PTPN3: variants seen among roughly 807,000 people sequenced by gnomAD.
The protein encoded by PTPN3 is tyrosine-protein phosphatase non-receptor type 3.
PTPN3 carries 96 observed loss-of-function variants against 132.7 expected under a neutral mutation model. That is an observed-to-expected ratio of 0.72 (90% CI 0.61 to 0.86). The LOEUF is 0.86. Among genes scored for constraint, PTPN3 ranks in the 40% least tolerant of loss-of-function variants. The pLI, the probability that PTPN3 is intolerant of heterozygous loss-of-function variation, is 0.00. For synonymous variants in PTPN3, 398 were observed against 429.0 expected, an observed-to-expected ratio of 0.93 and a Z score of 0.89; for missense variants, 1,125 against 1,159.6, an observed-to-expected ratio of 0.97 and a Z score of 0.43.
chr9:109,523,178 G>A, the PTPN3 span, among the ~76,000 whole-genome samples: 1 of 150,808 alleles, frequency 6.6e-6, no homozygotes, highest in Non-Finnish European at 1.5e-5. Flanking sequence ...GTGCAGTGGT[G>A]CGATCTTGGC....
At chr9:109,458,493 C>CT in intron 2 of PTPN3, among the ~76,000 whole-genome samples, 1 of 152,132 alleles carries the variant, frequency 6.6e-6, no homozygotes, top group Middle Eastern at 3.2e-3. Flanking sequence ...AAGGTAGCTC[C>CT]TTTTTTTGAG....
chr9:109,498,370 G>C (rs1305374024), upstream of PTPN3: 1 of 146,660 alleles, frequency 6.8e-6, no homozygotes, highest in Non-Finnish European at 1.5e-5. The surrounding 1 kb of genome is among the most constrained non-coding windows in gnomAD (Gnocchi z 4.2). Flanking sequence ...ACGGGCCCGC[G>C]CGCCGGGCGG....
At chr9:109,448,902 CA>C (rs35966698) in intron 5 of PTPN3, 47 bp from the exon 6 acceptor site, 169,005 of 1,156,108 alleles carry the variant, frequency 0.15, 20 homozygotes, top group East Asian at 0.24. Flanking sequence ...CTGAAATAAG[CA>C]AAAAAAAAAA....
intron 1 of PTPN3, among the ~76,000 whole-genome samples, chr9:109,483,135 C>G (rs1847039994): frequency 6.6e-6 from 1 of 152,238 alleles, no homozygotes; most frequent in South Asian, 2.1e-4. Context: ...TTGGCTGAAA[C>G]TGCCATTCCC....
intron 14 of PTPN3, chr9:109,417,532 G>GTTTTTTT (rs34687094): frequency 9.7e-6 from 7 of 724,778 alleles, no homozygotes; most frequent in Non-Finnish European, 5.0e-6. Context: ...TAACCAACAG[G>GTTTTTTT]TTTTTTTTTT....
At chr9:109,485,274 G>A (rs1003330052) in intron 1 of PTPN3, among the ~76,000 whole-genome samples, 2 of 152,146 alleles carry the variant, frequency 1.3e-5, no homozygotes, top group African/African-American at 2.4e-5. Context: ...TTGGGAGGCC[G>A]AGGCGGGTGG....
the PTPN3 span, among the ~76,000 whole-genome samples, chr9:109,521,813 T>A: frequency 6.6e-6 from 1 of 152,254 alleles, no homozygotes; most frequent in African/African-American, 2.4e-5. Flanking sequence ...TTCATCCTTT[T>A]ATTTGTAGAA....
intron 13 of PTPN3, among the ~76,000 whole-genome samples, chr9:109,421,703 T>C (rs1403457054): frequency 2.0e-5 from 3 of 152,230 alleles, no homozygotes; most frequent in African/African-American, 2.4e-5. Context: ...AAGAAGCAAA[T>C]CTATTCAGTT....
chr9:109,522,660 A>G, the PTPN3 span, among the ~76,000 whole-genome samples: 2 of 152,208 alleles, frequency 1.3e-5, no homozygotes, highest in Non-Finnish European at 2.9e-5. Context: ...ATGTAATAAC[A>G]ACTATAAAGT....
At chr9:109,452,076 T>C (rs1218767753) in intron 5 of PTPN3, among the ~76,000 whole-genome samples, 1 of 152,072 alleles carries the variant, frequency 6.6e-6, no homozygotes, top group Non-Finnish European at 1.5e-5. Flanking sequence ...GAGACCATCC[T>C]GGCCAACATG....
intron 16 of PTPN3, among the ~76,000 whole-genome samples, chr9:109,408,792 A>ATAT (rs1485415942): frequency 0.033 from 2,078 of 62,256 alleles, 28 homozygotes; most frequent in Middle Eastern, 0.045. Flanking sequence ...AAAAAAAAAA[A>ATAT]AAAAATATAT....
At chr9:109,426,797 C>G (rs969397643) in intron 12 of PTPN3, among the ~76,000 whole-genome samples, 153 bp downstream of exon 12, 12 of 152,202 alleles carry the variant, frequency 7.9e-5, no homozygotes, top group Admixed American at 2.0e-4. Context: ...CTGCTGACCC[C>G]GGGAGACTTT....
Position 109,448,674 on chromosome 9 carries a change from G to C in PTPN3, c.413+137C>G, listed in dbSNP as rs1845021844. On this transcript the variant is annotated intron_variant, in intron 6 of 25. Coordinates refer to ENST00000374541, the MANE Select transcript of PTPN3 (RefSeq NM_002829.4). Reference sequence around the variant, plus strand: ...GGTATAATAAAAACAGATGTCCAAAGCCTAATGCTGTACAGGATGCTTTGC... The same window carrying C: ...GGTATAATAAAAACAGATGTCCAAACCCTAATGCTGTACAGGATGCTTTGC... The C allele has an allele frequency of 4.8e-6, 4 of 834,704 alleles. No homozygotes were observed. In the Admixed American group the frequency reaches 8.9e-5, roughly 18 times the overall value. 51.7% of individuals were successfully genotyped at this position (834,704 alleles called of 1,614,324 possible).
rs114992276 is a variant in PTPN3 at position 109,387,513 on chromosome 9, C to T, written c.2253+1720G>A. Among the ~76,000 whole-genome samples the T allele has an allele frequency of 4.9e-3, 745 of 152,284 alleles. 3 individuals carry two copies. The highest frequency in any genetic ancestry group is 0.017 in the African/African-American group (717 of 41,540). Reference sequence around the variant, plus strand: ...CCCTGTGAGACAAGGAGGCCAGGATCCTGACTCACTATGCCACGTGGAGCA... The same window carrying T: ...CCCTGTGAGACAAGGAGGCCAGGATTCTGACTCACTATGCCACGTGGAGCA... On this transcript the variant is annotated intron_variant, in intron 22 of 25. Coordinates refer to ENST00000374541, the MANE Select transcript of PTPN3 (RefSeq NM_002829.4).
At chr9:109,510,544 G>T in the PTPN3 span, among the ~76,000 whole-genome samples, 1 of 107,604 alleles carries the variant, frequency 9.3e-6, no homozygotes, top group African/African-American at 3.5e-5. Flanking sequence ...GGCAACAAGA[G>T]CGAAACTTTG....
the PTPN3 span, among the ~76,000 whole-genome samples, chr9:109,515,294 G>A: frequency 6.6e-6 from 1 of 152,060 alleles, no homozygotes; most frequent in African/African-American, 2.4e-5. Flanking sequence ...CAAAGTGCTG[G>A]GATTATAGAT....
At chr9:109,429,773 T>A (rs1233953195) in intron 10 of PTPN3, among the ~76,000 whole-genome samples, 1 of 152,174 alleles carries the variant, frequency 6.6e-6, no homozygotes, top group African/African-American at 2.4e-5. Flanking sequence ...CTGACTATCA[T>A]TCATTTATGC....
intron 2 of PTPN3, among the ~76,000 whole-genome samples, chr9:109,460,483 C>T (rs1397947785): frequency 6.6e-6 from 1 of 151,988 alleles, no homozygotes; most frequent in African/African-American, 2.4e-5. Flanking sequence ...CCATGCGATC[C>T]CCCACCCCTT....
chr9:109,383,513 G>T lies in PTPN3; in HGVS notation c.2292C>A (p.Val764=). 1 of 1,614,158 alleles carries T rather than the reference G, an allele frequency of 6.2e-7. No individual in the cohort carries two copies. The highest frequency in any genetic ancestry group is 8.5e-7 in the Non-Finnish European group (1 of 1,180,028). The change falls in exon 23 of 26, where the codon GTC becomes GTA. Residue 764 remains valine (V), a synonymous_variant. Transcript: ENST00000374541. ...GGATGTGAAAGCCGCCGTGGTTCAT[G>T]ACGTCGGGGGGATCTGGCCAGTACT... ...CHQYWPDPPD[V]MNHGGFHIQC...
Sources: gnomAD v4.1 joint callset for allele counts (sites outside exome capture counted in the v4.1 genomes callset) on GRCh38, gnomAD v4.1.1 for gene constraint, Gnocchi (gnomAD v3.1) non-coding constraint, MANE v1.5 for transcripts, NCBI Gene and HGNC (gene_info 2026-07-23, HGNC 2026-07-21) for gene names.